Variants in TENM2 observed in about 807,000 individuals in gnomAD.
TENM2 encodes teneurin transmembrane protein 2.
Under a neutral mutation model 245.2 loss-of-function variants are expected in TENM2, and 52 were observed. The ratio of observed to expected loss-of-function variants is 0.21; its 90% confidence interval spans 0.17 to 0.27. The LOEUF is 0.27. Ranked by LOEUF, TENM2 falls within the 10% of genes least tolerant of loss-of-function variation. The pLI is 1.00. For missense variants in TENM2, 3,046 were observed against 3,666.8 expected (o/e 0.83, Z 4.37); for synonymous variants, 1,363 against 1,438.9 (o/e 0.95, Z 1.19).
intron 2 of TENM2, among the ~76,000 whole-genome samples, chr5:167,770,174 C>T (rs968073790): frequency 2.6e-5 from 4 of 152,130 alleles, no homozygotes; most frequent in African/African-American, 9.7e-5. Context: ...GTAGGCACAG[C>T]CCCTACCTCA....
chr5:167,321,191 G>A (rs1321591664), intron 1 of TENM2, among the ~76,000 whole-genome samples: 4 of 151,558 alleles, frequency 2.6e-5, no homozygotes, highest in African/African-American at 9.7e-5. Flanking sequence ...GCTGTGATAT[G>A]TATTCACAAA....
At chr5:168,157,772 T>C (rs1287618806) in intron 12 of TENM2, among the ~76,000 whole-genome samples, 1 of 151,884 alleles carries the variant, frequency 6.6e-6, no homozygotes, top group African/African-American at 2.4e-5. Context: ...TTCTTTTGAG[T>C]TTGAGGTGCT....
chr5:168,246,973 T>A (rs774386166), exon 27 of TENM2: 1 of 1,613,838 alleles, frequency 6.2e-7, no homozygotes, highest in Non-Finnish European at 8.5e-7. Flanking sequence ...GACCTCCTTT[T>A]TGGGCACCGG....
intron 12 of TENM2, among the ~76,000 whole-genome samples, chr5:168,140,973 G>A (rs961453533): frequency 1.3e-5 from 2 of 152,108 alleles, no homozygotes; most frequent in Non-Finnish European, 2.9e-5. Flanking sequence ...AAGTTGGACT[G>A]AGCAGCAGTG....
intron 1 of TENM2, among the ~76,000 whole-genome samples, chr5:167,310,237 G>A (rs1244438842): frequency 6.6e-6 from 1 of 152,130 alleles, no homozygotes; most frequent in Non-Finnish European, 1.5e-5. Flanking sequence ...TACGGCTGTC[G>A]CCAAACAAGT....
At chr5:167,506,647 A>C (rs562591487) in intron 2 of TENM2, among the ~76,000 whole-genome samples, 1 of 152,314 alleles carries the variant, frequency 6.6e-6, no homozygotes, top group South Asian at 2.1e-4. Flanking sequence ...CTTGACTTCT[A>C]TTCCATTTCC....
At chr5:167,903,938 C>T (rs1277814598) in intron 3 of TENM2, among the ~76,000 whole-genome samples, 1 of 152,138 alleles carries the variant, frequency 6.6e-6, no homozygotes, top group Non-Finnish European at 1.5e-5. Context: ...TTAAATATCA[C>T]TCTGGCTGAA....
At chr5:167,146,862 G>A in the TENM2 span, among the ~76,000 whole-genome samples, 1 of 151,874 alleles carries the variant, frequency 6.6e-6, no homozygotes, top group Non-Finnish European at 1.5e-5. Flanking sequence ...TCCCACACTT[G>A]GAGATGAATT....
At chr5:168,079,879 G>T (rs1344404457) in intron 7 of TENM2, among the ~76,000 whole-genome samples, 1 of 152,168 alleles carries the variant, frequency 6.6e-6, no homozygotes, top group Non-Finnish European at 1.5e-5. Flanking sequence ...AGGGATGTTG[G>T]TCTAAAATTC....
chr5:167,214,209 A>G, the TENM2 span, among the ~76,000 whole-genome samples: 2 of 152,214 alleles, frequency 1.3e-5, no homozygotes, highest in Non-Finnish European at 2.9e-5. Flanking sequence ...CCTGATTTAC[A>G]GCATTTGCCC....
At chr5:167,614,819 A>G (rs1215895544) in intron 2 of TENM2, among the ~76,000 whole-genome samples, 1 of 152,118 alleles carries the variant, frequency 6.6e-6, no homozygotes, top group Non-Finnish European at 1.5e-5. Context: ...GTCCCCTGGC[A>G]GTTAGTTTCT....
At chr5:167,902,356 A>T (rs1260750456) in intron 3 of TENM2, among the ~76,000 whole-genome samples, 1 of 152,164 alleles carries the variant, frequency 6.6e-6, no homozygotes, top group Non-Finnish European at 1.5e-5. Flanking sequence ...TGGAATCTGG[A>T]AGGCTGGCTG....
rs143259663 is a variant in TENM2 at position 167,881,068 on chromosome 5, TG to T, written c.712+4876del. On this transcript the variant is annotated intron_variant, in intron 3 of 28. Transcript: ENST00000518659. ...TAATATCCATCCATGGAGATGGATT[TG>T]GGATGAGGAAGAAGTCAATATTTTT... Among the ~76,000 whole-genome samples the T allele has an allele frequency of 3.8e-3, 577 of 152,310 alleles. 3 individuals are homozygous for T. Among genetic ancestry groups the T allele is most frequent in the Non-Finnish European group, 6.7e-3 (459 of 68,020 alleles).
At chr5:167,765,620 G>A (rs1453523216) in intron 2 of TENM2, among the ~76,000 whole-genome samples, 2 of 152,202 alleles carry the variant, frequency 1.3e-5, no homozygotes, top group Admixed American at 1.3e-4. Context: ...GCAAGTTAGA[G>A]CTTTTATATT....
intron 18 of TENM2, 104 bp downstream of exon 20, chr5:168,203,936 A>G: frequency 2.9e-6 from 3 of 1,031,696 alleles, no homozygotes; most frequent in Non-Finnish European, 3.9e-6. Flanking sequence ...TCCCTGGGTC[A>G]TTTTTTCATC....
chr5:167,339,270 A>T (rs1292451174), intron 1 of TENM2, among the ~76,000 whole-genome samples: 2 of 152,222 alleles, frequency 1.3e-5, no homozygotes, highest in African/African-American at 4.8e-5. Flanking sequence ...AAATACAGTG[A>T]TAGACAGTCG....
the TENM2 span, among the ~76,000 whole-genome samples, chr5:167,021,563 A>C: frequency 2.0e-5 from 3 of 152,188 alleles, no homozygotes; most frequent in Non-Finnish European, 2.9e-5. Context: ...TATTGTTTTT[A>C]TCTATGCATG....
At chr5:167,093,235 C>T in the TENM2 span, among the ~76,000 whole-genome samples, 2 of 152,152 alleles carry the variant, frequency 1.3e-5, no homozygotes, top group African/African-American at 2.4e-5. Context: ...TCACTGCTCC[C>T]AGATTCATTT....
intron 2 of TENM2, among the ~76,000 whole-genome samples, chr5:167,535,497 T>A (rs1771789989): frequency 6.6e-6 from 1 of 152,122 alleles, no homozygotes. Flanking sequence ...TTTTAATACG[T>A]CCTCTCCAAA....
Sources: gnomAD v4.1 joint callset for allele counts (sites outside exome capture counted in the v4.1 genomes callset) on GRCh38, gnomAD v4.1.1 for gene constraint, MANE v1.5 for transcripts, NCBI Gene and HGNC (gene_info 2026-07-23, HGNC 2026-07-21) for gene names.